The following POC1A variants were observed in gnomAD, a reference collection of about 807,000 sequenced individuals.
POC1A encodes the protein POC1 centriolar protein A.
In POC1A, 34 loss-of-function variants were observed where a neutral mutation model predicts 47.8. The ratio of observed to expected loss-of-function variants is 0.71; its 90% CI spans 0.54 to 0.95. POC1A has a LOEUF of 0.95. Among genes scored for constraint, POC1A ranks in the 40% least tolerant of loss-of-function variants. The pLI is 0.00. For synonymous variants in POC1A, 177 were observed against 207.6 expected (o/e 0.85, Z 1.27); for missense variants, 466 against 528.3 (o/e 0.88, Z 1.16).
At chr3:52,089,823 G>A (rs1318286845) in intron 10 of POC1A, among the ~76,000 whole-genome samples, 1 of 152,172 alleles carries the variant, frequency 6.6e-6, no homozygotes, top group African/African-American at 2.4e-5. Flanking sequence ...TCCCAGGAAA[G>A]AGGGATACAG....
At chr3:52,130,341 C>T (rs1326981586) in intron 7 of POC1A, among the ~76,000 whole-genome samples, 2 of 152,216 alleles carry the variant, frequency 1.3e-5, no homozygotes, top group African/African-American at 4.8e-5. Flanking sequence ...GACAACAATC[C>T]AACCCACTGG....
chr3:52,087,547 A>G (rs1481912555), intron 10 of POC1A, among the ~76,000 whole-genome samples: 2 of 151,974 alleles, frequency 1.3e-5, no homozygotes, highest in African/African-American at 4.8e-5. Flanking sequence ...CCCAGCCCCA[A>G]CCTCTACTGA....
intron 10 of POC1A, among the ~76,000 whole-genome samples, chr3:52,077,543 AC>A (rs2106915682): frequency 1.3e-5 from 2 of 152,108 alleles, no homozygotes; most frequent in African/African-American, 4.8e-5. Flanking sequence ...CACAAACTGC[AC>A]CCTAAGAGGC....
chr3:52,120,606 G>C (rs1361325416), intron 9 of POC1A, among the ~76,000 whole-genome samples: 4 of 152,202 alleles, frequency 2.6e-5, no homozygotes, highest in African/African-American at 9.7e-5. Flanking sequence ...CACATCCAGG[G>C]TTCAAACCCA....
intron 7 of POC1A, among the ~76,000 whole-genome samples, chr3:52,136,550 T>A (rs535569889): frequency 1.3e-5 from 2 of 152,282 alleles, no homozygotes; most frequent in Non-Finnish European, 2.9e-5. Flanking sequence ...GATGGCAAAA[T>A]GAACAGAGGT....
intron 7 of POC1A, 137 bp from the exon 8 acceptor site, chr3:52,125,318 G>A (rs761626426): frequency 1.2e-4 from 80 of 678,156 alleles, no homozygotes; most frequent in South Asian, 2.0e-4. Context: ...ACAGTCCTCC[G>A]TAACCTGTAG....
intron 10 of POC1A, among the ~76,000 whole-genome samples, chr3:52,082,633 C>T (rs1406480382): frequency 6.6e-6 from 1 of 152,176 alleles, no homozygotes. Flanking sequence ...TGTGCCTTCT[C>T]TCACTCACAG....
intron 10 of POC1A, among the ~76,000 whole-genome samples, chr3:52,094,907 C>G (rs1020486653): frequency 6.6e-5 from 10 of 152,210 alleles, no homozygotes; most frequent in African/African-American, 2.2e-4. Context: ...TTCACTTACT[C>G]TCTGCGATGC....
chr3:52,146,867 G>C (rs1330808760), intron 5 of POC1A, 121 bp downstream of exon 5: 3 of 777,870 alleles, frequency 3.9e-6, no homozygotes, highest in Non-Finnish European at 6.8e-6. Flanking sequence ...ACAAGGGGCA[G>C]CAGTGATAAG....
intron 9 of POC1A, among the ~76,000 whole-genome samples, chr3:52,112,295 G>A (rs1703412935): frequency 6.6e-6 from 1 of 152,156 alleles, no homozygotes; most frequent in Non-Finnish European, 1.5e-5. Flanking sequence ...GGGACTACAG[G>A]TGCATGCCAC....
At chr3:52,122,933 A>G (rs975790561) in intron 8 of POC1A, among the ~76,000 whole-genome samples, 1 of 152,220 alleles carries the variant, frequency 6.6e-6, no homozygotes, top group African/African-American at 2.4e-5. Context: ...TCTGCCTCTG[A>G]ACTAAAATAG....
chr3:52,088,974 G>T (rs1323753353), intron 10 of POC1A, among the ~76,000 whole-genome samples: 2 of 150,096 alleles, frequency 1.3e-5, no homozygotes, highest in Non-Finnish European at 3.0e-5. Flanking sequence ...CACGGCTACT[G>T]TCGAGCCCAT....
intron 7 of POC1A, among the ~76,000 whole-genome samples, chr3:52,137,554 C>T (rs978470877): frequency 1.3e-5 from 2 of 152,066 alleles, no homozygotes; most frequent in African/African-American, 4.8e-5. Flanking sequence ...GTGAAAGGCC[C>T]GGACCCAGGC....
intron 10 of POC1A, among the ~76,000 whole-genome samples, chr3:52,085,010 G>A (rs1288517066): frequency 1.3e-5 from 2 of 152,242 alleles, no homozygotes; most frequent in African/African-American, 4.8e-5. Flanking sequence ...TAAGGCACCA[G>A]TGGCTGATGG....
chr3:52,107,485 ATT>A (rs974909659), intron 9 of POC1A, among the ~76,000 whole-genome samples: 1 of 152,222 alleles, frequency 6.6e-6, no homozygotes, highest in African/African-American at 2.4e-5. Context: ...GTGTGGGAGC[ATT>A]CTCTCTCAAC....
intron 9 of POC1A, among the ~76,000 whole-genome samples, chr3:52,107,286 G>A (rs1271754146): frequency 6.6e-6 from 1 of 152,218 alleles, no homozygotes; most frequent in East Asian, 1.9e-4. Context: ...GGTGGAGCCG[G>A]TTTTAGGAAC....
At chr3:52,132,848 C>T in intron 7 of POC1A, among the ~76,000 whole-genome samples, 1 of 152,072 alleles carries the variant, frequency 6.6e-6, no homozygotes, top group East Asian at 1.9e-4. Context: ...AGTTCGAGAC[C>T]AGCCTGGCCA....
In POC1A at chr3:52,084,707, G is replaced by A. The variant is rs148338708; in HGVS notation, c.1126-8722C>T. 7.1e-3 allele frequency among the ~76,000 whole-genome samples: 1,074 copies of A among 152,326 alleles called. 14 individuals are homozygous for A. The highest frequency in any genetic ancestry group is 0.024 in the African/African-American group (1,012 of 41,572). ...CAGCCCCTCTTCCCAGGGGCCTCCT[G>A]CTCACCTTGGCCAGGGCCCTTCCCC... On this transcript the variant is annotated intron_variant, in intron 10 of 10. Transcript: ENST00000296484. This position sits in a 1 kb window ranked among gnomAD's most constrained non-coding sequence, Gnocchi z 4.3.
rs767714112 is a variant in POC1A at position 52,138,314 on chromosome 3, A to G, written c.680-12T>C. 6 of 1,607,306 alleles carry G rather than the reference A, an allele frequency of 3.7e-6. No individual in the cohort carries two copies. ...TGCTGCACTGTGCACTGGGGGAAGG[A>G]CATCAGTCAGGTGCTGGCTAGGAGG... On this transcript the variant is annotated splice_polypyrimidine_tract_variant and intron_variant, in intron 6 of 10. Transcript: ENST00000296484.
Sources: gnomAD v4.1 joint callset for allele counts (sites outside exome capture counted in the v4.1 genomes callset) on GRCh38, gnomAD v4.1.1 for gene constraint, Gnocchi (gnomAD v3.1) non-coding constraint, MANE v1.5 for transcripts, NCBI Gene and HGNC (gene_info 2026-07-23, HGNC 2026-07-21) for gene names.